UBR3: variants seen among roughly 807,000 people sequenced by gnomAD.
The protein encoded by UBR3 is E3 ubiquitin-protein ligase UBR3.
In UBR3, 85 loss-of-function variants were observed where a neutral mutation model predicts 243.2. The observed-to-expected ratio is 0.35, with a 90% CI of 0.29 to 0.42. The LOEUF (loss-of-function observed/expected upper bound fraction) is 0.42. UBR3 is among the 10% of genes least tolerant of loss of function. The pLI is 1.00. For missense variants in UBR3, 1,686 were observed against 2,300.8 expected, an observed-to-expected ratio of 0.73 and a Z score of 5.47; for synonymous variants, 748 against 799.8, an observed-to-expected ratio of 0.94 and a Z score of 1.09.
rs1574265806 is a variant in UBR3 at position 169,948,801 on chromosome 2, A to G, written c.3085-804A>G. ...CGCTTTTAAAAAATAAATTCATTAA[A>G]CTGACTCATATCTTAATTAAAAGAT... is the stretch of plus-strand genomic sequence containing the variant. On this transcript the variant is annotated intron_variant, in intron 22 of 38. Transcript: ENST00000272793. Among the ~76,000 whole-genome samples, 5 of 152,164 alleles carry G rather than the reference A, an allele frequency of 3.3e-5. No individual in the cohort carries two copies. In the East Asian group the frequency reaches 9.6e-4, roughly 29 times the overall value.
At chr2:170,029,490 T>C in intron 31 of UBR3, 42 bp downstream of exon 31, 1 of 1,457,004 alleles carries the variant, frequency 6.9e-7, no homozygotes. Flanking sequence ...AAACTCTTTA[T>C]GAAAAACAGG....
intron 8 of UBR3, among the ~76,000 whole-genome samples, chr2:169,903,188 A>G (rs2084895000): frequency 6.6e-5 from 10 of 152,232 alleles, no homozygotes; most frequent in Admixed American, 6.5e-4. Flanking sequence ...GTTTGAGTAA[A>G]AATAGAAGTC....
Position 169,927,415 on chromosome 2 carries a change from TA to T in UBR3, c.2424+14del. The T allele has an allele frequency of 6.5e-7, 1 of 1,528,050 alleles. No homozygotes were observed. The highest frequency in any genetic ancestry group is 8.8e-7 in the Non-Finnish European group (1 of 1,136,422). 94.7% of individuals were successfully genotyped at this position (1,528,050 alleles called of 1,614,324 possible). On this transcript the variant is annotated intron_variant, in intron 17 of 38. Coordinates refer to ENST00000272793, the MANE Select transcript of UBR3 (RefSeq NM_172070.4). Reference sequence around the variant, plus strand: ...TTCATTGCTGGACCTCATATCCTTTTAAAATTTTACTTTCTGTTAGTTGCAG... The same window carrying T: ...TTCATTGCTGGACCTCATATCCTTTTAAATTTTACTTTCTGTTAGTTGCAG...
intron 1 of UBR3, among the ~76,000 whole-genome samples, chr2:169,846,327 C>T (rs1319399522): frequency 6.6e-6 from 1 of 152,092 alleles, no homozygotes; most frequent in Non-Finnish European, 1.5e-5. Context: ...TGGCAATATT[C>T]CTTATTCTTT....
At chr2:169,934,812 G>A (rs1367356525) in intron 19 of UBR3, among the ~76,000 whole-genome samples, 2 of 152,184 alleles carry the variant, frequency 1.3e-5, no homozygotes, top group African/African-American at 4.8e-5. Context: ...TTAAGTGAAA[G>A]TAAGCCGTTT....
At chr2:169,992,425 T>C (rs1389376781) in intron 25 of UBR3, among the ~76,000 whole-genome samples, 1 of 152,196 alleles carries the variant, frequency 6.6e-6, no homozygotes, top group Non-Finnish European at 1.5e-5. Flanking sequence ...TGAGGCTAGC[T>C]TTGATACCAA....
intron 5 of UBR3, among the ~76,000 whole-genome samples, chr2:169,882,385 T>A (rs1415161350): frequency 1.1e-4 from 15 of 131,522 alleles, no homozygotes; most frequent in African/African-American, 3.5e-4. Context: ...ATATTATATA[T>A]AAAAATATAT....
chr2:169,905,419 T>G, intron 9 of UBR3, 126 bp downstream of exon 9: 1 of 660,186 alleles, frequency 1.5e-6, no homozygotes, highest in Non-Finnish European at 2.2e-6. Flanking sequence ...TTATTTTAAT[T>G]GGTATTTGTA....
intron 1 of UBR3, among the ~76,000 whole-genome samples, chr2:169,843,843 AAG>A (rs1161493401): frequency 8.5e-5 from 13 of 152,154 alleles, no homozygotes; most frequent in African/African-American, 3.1e-4. Context: ...TTTATTTTGT[AAG>A]AGTTTGTGTA....
intron 1 of UBR3, among the ~76,000 whole-genome samples, chr2:169,839,785 A>T (rs925617210): frequency 6.6e-6 from 1 of 152,256 alleles, no homozygotes; most frequent in African/African-American, 2.4e-5. Context: ...AAACTCAGTA[A>T]GGCAAACAAC....
At chr2:169,927,289 G>T in intron 16 of UBR3, 31 bp from the exon 17 acceptor site, 1 of 1,523,980 alleles carries the variant, frequency 6.6e-7, no homozygotes. Flanking sequence ...TGTATACTCA[G>T]ATTTGTTAAT....
chr2:169,911,683 G>A (rs1015627427), intron 10 of UBR3, among the ~76,000 whole-genome samples: 1 of 152,102 alleles, frequency 6.6e-6, no homozygotes, highest in Non-Finnish European at 1.5e-5. Context: ...TTCTCCAGAA[G>A]GGTGGTACCA....
chr2:170,009,754 GGTCAATACAGCAA>G (rs1457358347), intron 29 of UBR3, among the ~76,000 whole-genome samples: 4 of 152,128 alleles, frequency 2.6e-5, no homozygotes, highest in African/African-American at 9.6e-5. Flanking sequence ...TGTGACTTGA[GGTCAATACAGCAA>G]GTCTGTGGCA....
At chr2:169,959,376 T>G (rs1264722944) in intron 24 of UBR3, among the ~76,000 whole-genome samples, 1 of 148,126 alleles carries the variant, frequency 6.8e-6, no homozygotes, top group Non-Finnish European at 1.5e-5. Context: ...TCTGAAAATC[T>G]GAAATCTAAA....
chr2:169,893,118 C>A (rs189436807), intron 6 of UBR3, among the ~76,000 whole-genome samples: 21 of 152,284 alleles, frequency 1.4e-4, no homozygotes, highest in African/African-American at 4.8e-4. Flanking sequence ...ATAACACGTG[C>A]TTTAACATCT....
At chr2:169,835,997 C>T (rs13423588) in intron 1 of UBR3, among the ~76,000 whole-genome samples, 4,867 of 40,054 alleles carry the variant, frequency 0.12, 277 homozygotes, top group African/African-American at 0.21. Flanking sequence ...TGCACTGTCT[C>T]TCTCTCTCTC....
intron 5 of UBR3, among the ~76,000 whole-genome samples, chr2:169,883,345 A>T (rs1332327769): frequency 6.6e-6 from 1 of 152,158 alleles, no homozygotes; most frequent in African/African-American, 2.4e-5. Context: ...GACATCTTAC[A>T]TAGTAGTGAC....
intron 35 of UBR3, among the ~76,000 whole-genome samples, chr2:170,064,380 A>C (rs1032845014): frequency 6.6e-6 from 1 of 152,116 alleles, no homozygotes; most frequent in Non-Finnish European, 1.5e-5. Flanking sequence ...TACCCCAGAA[A>C]TATACACACC....
At chr2:169,851,450 A>G (rs1182296434) in intron 1 of UBR3, among the ~76,000 whole-genome samples, 1 of 152,312 alleles carries the variant, frequency 6.6e-6, no homozygotes, top group South Asian at 2.1e-4. Context: ...TCTCACCCAG[A>G]TGCTAATTTT....
Sources: allele counts gnomAD v4.1 joint callset (sites outside exome capture counted in the v4.1 genomes callset), GRCh38; gene constraint gnomAD v4.1.1; transcripts MANE v1.5; gene names NCBI Gene and HGNC (gene_info 2026-07-23, HGNC 2026-07-21).